TCF7L1: variants seen among roughly 807,000 people sequenced by gnomAD.
TCF7L1 encodes the protein transcription factor 7 like 1, also known as transcription factor 7-like 1.
A neutral mutation model predicts 63.7 loss-of-function variants in TCF7L1; 18 were observed. The ratio of observed to expected loss-of-function variants is 0.28; its 90% CI spans 0.20 to 0.42. The LOEUF is 0.42. Among genes scored for constraint, TCF7L1 ranks in the 10% least tolerant of loss-of-function variants. The pLI is 1.00. For missense variants in TCF7L1, 654 were observed against 779.3 expected (o/e 0.84, Z 1.91); for synonymous variants, 355 against 340.9 (o/e 1.04, Z -0.46).
At chr2:85,234,197 A>G (rs1238627490) in intron 3 of TCF7L1, among the ~76,000 whole-genome samples, 4 of 128,522 alleles carry the variant, frequency 3.1e-5, no homozygotes, top group African/African-American at 3.2e-5. Context: ...GTGCAGTGGC[A>G]TGATCTCAGC....
chr2:85,282,844 T>TGTGTGTGGGG (rs1573024715), intron 3 of TCF7L1, among the ~76,000 whole-genome samples: 2 of 55,556 alleles, frequency 3.6e-5, no homozygotes, highest in African/African-American at 1.4e-4. Context: ...GTGTGTGTGT[T>TGTGTGTGGGG]GGGGAAGTAC....
At chr2:85,223,141 G>T (rs1305413087) in intron 3 of TCF7L1, among the ~76,000 whole-genome samples, 3 of 152,186 alleles carry the variant, frequency 2.0e-5, no homozygotes, top group African/African-American at 7.2e-5. Context: ...GAGTGCACTG[G>T]TGCAATCATA....
chr2:85,172,763 T>C (rs1018097352), intron 3 of TCF7L1, among the ~76,000 whole-genome samples: 1 of 152,072 alleles, frequency 6.6e-6, no homozygotes, highest in African/African-American at 2.4e-5. Flanking sequence ...ACTGCAGGCT[T>C]GCTCCCCACT....
rs1021503902 is a variant in TCF7L1, at chr2:85,306,929, G to A, written c.1257+370G>A. ...TCCGCCCACCTCGGCCTCCCAAAGC[G>A]CTGGGATTACAGGCGTGAGCCACCG... is the stretch of plus-strand genomic sequence containing the variant. On this transcript the variant is annotated intron_variant, in intron 10 of 11. Transcript: ENST00000282111. The surrounding 1 kb of genome is among the most constrained non-coding windows in gnomAD (Gnocchi z 4.3). Among the ~76,000 whole-genome samples, 5 of 152,212 alleles carry A rather than the reference G, an allele frequency of 3.3e-5. No individual in the cohort carries two copies. The highest frequency in any genetic ancestry group is 4.8e-5 in the African/African-American group (2 of 41,464).
chr2:85,177,826 G>A (rs920603503), intron 3 of TCF7L1, among the ~76,000 whole-genome samples: 6 of 152,158 alleles, frequency 3.9e-5, no homozygotes, highest in Admixed American at 6.5e-5. Context: ...ATTTTATATA[G>A]TTAAAATCAA....
chr2:85,197,149 T>C (rs1679175310), intron 3 of TCF7L1, among the ~76,000 whole-genome samples: 1 of 152,200 alleles, frequency 6.6e-6, no homozygotes, highest in African/African-American at 2.4e-5. Flanking sequence ...TGTATTAATA[T>C]GTATTAATCC....
chr2:85,283,689 A>G (rs1681477350), intron 4 of TCF7L1, 111 bp downstream of exon 4: 7 of 1,207,370 alleles, frequency 5.8e-6, no homozygotes, highest in Non-Finnish European at 7.3e-6. Context: ...GTGTTTCCTC[A>G]AATGTGTGAG....
chr2:85,309,167 C>G lies in TCF7L1; in HGVS notation c.1472C>G (p.Ala491Gly). ...TCTGCAGCTTTGGCCTCACCAGCTG[C>G]CCCTGCTGCCACCCATTCGGAGCAA... Reference protein sequence around the residue: ...TPSAALASPAAPAATHSEQAQ... With the variant: ...TPSAALASPAGPAATHSEQAQ... Residue 491 changes from alanine (A) to glycine (G), a missense_variant, in exon 12 of 12, where the codon GCC (alanine) becomes GGC (glycine). Ala to Gly is a moderately conservative substitution (Grantham distance 60). This residue lies in a region of TCF7L1 where 184 missense variants were observed against 204.0 expected (regional missense o/e 0.90). Transcript: ENST00000282111. 5 of 1,614,072 alleles carry G rather than the reference C, an allele frequency of 3.1e-6. No individual in the cohort carries two copies. The highest frequency in any genetic ancestry group is 4.2e-6 in the Non-Finnish European group (5 of 1,180,000).
At chr2:85,169,375 T>A (rs1678496230) in intron 3 of TCF7L1, among the ~76,000 whole-genome samples, 1 of 151,372 alleles carries the variant, frequency 6.6e-6, no homozygotes. Context: ...TTTTTTTTTT[T>A]AATGAGATGG....
At chr2:85,144,018 A>G (rs1446562599) in intron 3 of TCF7L1, among the ~76,000 whole-genome samples, 2 of 152,200 alleles carry the variant, frequency 1.3e-5, no homozygotes, top group Non-Finnish European at 2.9e-5. Context: ...GTTTTTCCTC[A>G]TTGAAATTGG....
chr2:85,164,348 G>T (rs1678359280), intron 3 of TCF7L1, among the ~76,000 whole-genome samples: 1 of 152,198 alleles, frequency 6.6e-6, no homozygotes. Flanking sequence ...TGAACTGTGA[G>T]AGATGGGCCC....
chr2:85,192,731 GT>G (rs1351596023), intron 3 of TCF7L1, among the ~76,000 whole-genome samples: 2 of 150,832 alleles, frequency 1.3e-5, no homozygotes, highest in Admixed American at 1.3e-4. Context: ...CTGAAGTGCA[GT>G]GGTGTGATCA....
At chr2:85,282,791 A>G (rs1278798083) in intron 3 of TCF7L1, among the ~76,000 whole-genome samples, 1 of 109,220 alleles carries the variant, frequency 9.2e-6, no homozygotes, top group Non-Finnish European at 2.0e-5. Flanking sequence ...AGAGAGAGAG[A>G]GATTGTGTGT....
intron 3 of TCF7L1, among the ~76,000 whole-genome samples, chr2:85,246,620 A>G (rs565198035): frequency 5.3e-5 from 8 of 152,184 alleles, no homozygotes; most frequent in African/African-American, 1.4e-4. Flanking sequence ...TGACTTCTCC[A>G]TCTGGCCGTT....
intron 3 of TCF7L1, among the ~76,000 whole-genome samples, chr2:85,140,249 G>A (rs1639010990): frequency 6.6e-6 from 1 of 152,174 alleles, no homozygotes; most frequent in African/African-American, 2.4e-5. Context: ...GGCGATGACA[G>A]AGCCCACACA....
chr2:85,231,947 C>G (rs928085523), intron 3 of TCF7L1, among the ~76,000 whole-genome samples: 13 of 152,190 alleles, frequency 8.5e-5, no homozygotes, highest in Admixed American at 8.5e-4. Flanking sequence ...CCCTCAACAG[C>G]CCCTACTTCA....
intron 3 of TCF7L1, among the ~76,000 whole-genome samples, chr2:85,244,145 G>C (rs1310415172): frequency 6.6e-6 from 1 of 152,198 alleles, no homozygotes; most frequent in Non-Finnish European, 1.5e-5. Context: ...GGAGCGGGCA[G>C]AACAGAGTGG....
chr2:85,304,507 C>A, intron 7 of TCF7L1, 169 bp downstream of exon 7: 1 of 640,454 alleles, frequency 1.6e-6, no homozygotes, highest in Non-Finnish European at 2.7e-6. Flanking sequence ...ACCCCCAGGT[C>A]AGAATGGAGA....
At chr2:85,159,521 C>T (rs1304879164) in intron 3 of TCF7L1, among the ~76,000 whole-genome samples, 1 of 152,216 alleles carries the variant, frequency 6.6e-6, no homozygotes, top group Non-Finnish European at 1.5e-5. Flanking sequence ...CATTGGCTGC[C>T]TGCACTTGGG....
Sources: gnomAD v4.1 joint callset for allele counts (sites outside exome capture counted in the v4.1 genomes callset) on GRCh38, gnomAD v4.1.1 for gene constraint, gnomAD v4.1.1 regional missense constraint, Gnocchi (gnomAD v3.1) non-coding constraint, MANE v1.5 for transcripts, NCBI Gene and HGNC (gene_info 2026-07-23, HGNC 2026-07-21) for gene names.